The following TLK1 variants were observed in gnomAD, a reference collection of about 807,000 sequenced individuals.
The protein encoded by TLK1 is serine/threonine-protein kinase tousled-like 1.
A neutral mutation model predicts 105.3 loss-of-function variants in TLK1; 24 were observed. The ratio of observed to expected loss-of-function variants is 0.23; its 90% CI spans 0.17 to 0.32. TLK1 has a LOEUF of 0.32. Among genes scored for constraint, TLK1 ranks in the 10% least tolerant of loss-of-function variants. The pLI is 1.00. For synonymous variants in TLK1, 321 were observed against 310.4 expected (o/e 1.03, Z -0.36); for missense variants, 558 against 910.5 (o/e 0.61, Z 4.98).
At chr2:171,108,320 T>C (rs1690020635) in intron 2 of TLK1, among the ~76,000 whole-genome samples, 1 of 152,184 alleles carries the variant, frequency 6.6e-6, no homozygotes, top group Admixed American at 6.5e-5. Context: ...AGAGCATTTT[T>C]AGTGTTATAA....
rs750540007 is a variant in TLK1 at position 170,992,843 on chromosome 2, C to G, written c.*937G>C. On this transcript the variant is annotated 3_prime_UTR_variant, in exon 21 of 21. Coordinates refer to ENST00000431350, the MANE Select transcript of TLK1 (RefSeq NM_012290.5). ...AAAAGCCATATTTTAAACATTTGTA[C>G]AAGAATAAGCTGCTGAAACTTAGTA... The G allele has an allele frequency of 6.6e-6, 1 of 152,522 alleles. No individual in the cohort carries two copies. Among genetic ancestry groups the G allele is most frequent in the Non-Finnish European group, 1.5e-5 (1 of 67,994 alleles). 9.4% of individuals were successfully genotyped at this position (152,522 alleles called of 1,614,324 possible).
chr2:171,206,787 G>A (rs1255397994), intron 1 of TLK1, among the ~76,000 whole-genome samples: 1 of 152,164 alleles, frequency 6.6e-6, no homozygotes, highest in Non-Finnish European at 1.5e-5. Context: ...TGGCAAATAA[G>A]CATATGAAAA....
chr2:171,113,437 AT>A (rs1690269781), intron 2 of TLK1, among the ~76,000 whole-genome samples: 1 of 151,780 alleles, frequency 6.6e-6, no homozygotes, highest in Non-Finnish European at 1.5e-5. Context: ...TGCCCAGCTA[AT>A]TTTTTGTATT....
rs2105614404 is a variant in TLK1, at chr2:171,160,486, C to T, written c.-58G>A. On this transcript the variant is annotated 5_prime_UTR_variant, in exon 1 of 21. It adds an upstream start codon to the 5' untranslated region. Transcript: ENST00000431350. The surrounding 1 kb of genome is among the most constrained non-coding windows in gnomAD (Gnocchi z 4.4). ...TGCGACGGCAGCGGCGGCAACGGCA[C>T]CGGCACCCGCCTCCGTCATGGCGGG... 6.4e-7 allele frequency: 1 copy of T among 1,567,840 alleles called. No homozygotes were observed. Among genetic ancestry groups the T allele is most frequent in the Non-Finnish European group, 8.6e-7 (1 of 1,162,118 alleles).
At chr2:171,084,237 T>C (rs1053343089) in intron 2 of TLK1, among the ~76,000 whole-genome samples, 3 of 152,124 alleles carry the variant, frequency 2.0e-5, no homozygotes, top group African/African-American at 7.2e-5. Context: ...TAGGTTAACT[T>C]AAGTACAGAA....
At chr2:171,156,143 C>A (rs866535825) in intron 1 of TLK1, among the ~76,000 whole-genome samples, 1 of 152,096 alleles carries the variant, frequency 6.6e-6, no homozygotes, top group African/African-American at 2.4e-5. Context: ...AAGAAGAATA[C>A]TCACTCTTTC....
At chr2:171,019,564 A>G (rs1685380118) in intron 12 of TLK1, among the ~76,000 whole-genome samples, 1 of 152,126 alleles carries the variant, frequency 6.6e-6, no homozygotes, top group Non-Finnish European at 1.5e-5. Context: ...GCAAATCCTG[A>G]ATATATGTTA....
chr2:171,102,221 A>C (rs1179542967), intron 2 of TLK1, among the ~76,000 whole-genome samples: 2 of 152,186 alleles, frequency 1.3e-5, no homozygotes, highest in African/African-American at 4.8e-5. Flanking sequence ...AGATTCTAGT[A>C]AATCCTCAAT....
Position 170,993,670 on chromosome 2 carries a change from A to T in TLK1, c.*110T>A, listed in dbSNP as rs1683894981. 5 of 205,836 alleles carry T rather than the reference A, an allele frequency of 2.4e-5. No individual in the cohort carries two copies. The South Asian group carries it at 3.7e-4, about 15-fold the overall frequency. The allele number at this position is 205,836 out of a possible 1,614,324, so 12.8% of individuals were successfully genotyped here. On this transcript the variant is annotated 3_prime_UTR_variant, in exon 21 of 21. Coordinates refer to ENST00000431350, the MANE Select transcript of TLK1 (RefSeq NM_012290.5). ...ACAGTTCTTAACCACGTCTTGTGTA[A>T]AAAAAAAAAAAAAAAAAAAAGAAAA...
chr2:171,108,959 A>C (rs927442807), intron 2 of TLK1, among the ~76,000 whole-genome samples: 1 of 152,238 alleles, frequency 6.6e-6, no homozygotes, highest in African/African-American at 2.4e-5. Context: ...AACAAACATA[A>C]ACCAAAAGAA....
At chr2:171,082,995 T>C (rs1688817094) in intron 2 of TLK1, 143 bp from the exon 3 acceptor site, 2 of 608,750 alleles carry the variant, frequency 3.3e-6, no homozygotes, top group Admixed American at 3.5e-5. Flanking sequence ...GGAAGCCAAA[T>C]GAGGTAAAAA....
chr2:171,151,314 T>C lies in TLK1; in HGVS notation c.139+8976A>G, dbSNP rs1692024765. ...GATTACAGGCATGAGCCACTGTGCC[T>C]GGCCCTTGGATACATTACTTAACTT... On this transcript the variant is annotated intron_variant, in intron 1 of 20. Coordinates refer to ENST00000431350, the MANE Select transcript of TLK1 (RefSeq NM_012290.5). 2.0e-5 allele frequency among the ~76,000 whole-genome samples: 3 copies of C among 150,786 alleles called. No homozygotes were observed. The South Asian group carries it at 6.3e-4, about 32-fold the overall frequency.
intron 13 of TLK1, 24 bp from the exon 14 acceptor site, chr2:171,011,478 G>C (rs1167554931): frequency 6.3e-7 from 1 of 1,595,140 alleles, no homozygotes; most frequent in Non-Finnish European, 8.6e-7. Flanking sequence ...GCAAAAAACA[G>C]ACATATTAAA....
intron 11 of TLK1, among the ~76,000 whole-genome samples, chr2:171,033,886 A>AT (rs147318622): frequency 1.9e-4 from 27 of 142,184 alleles, no homozygotes; most frequent in African/African-American, 7.1e-4. Flanking sequence ...TAGTATCCAG[A>AT]TTTTTTAAAA....
chr2:171,020,503 G>A (rs938675713), intron 12 of TLK1, among the ~76,000 whole-genome samples: 3 of 149,546 alleles, frequency 2.0e-5, no homozygotes, highest in African/African-American at 7.4e-5. Flanking sequence ...TTGCACCACT[G>A]CACTCCAGCC....
intron 1 of TLK1, among the ~76,000 whole-genome samples, chr2:171,187,057 CAAAA>C (rs71013019): frequency 2.9e-5 from 1 of 34,034 alleles, no homozygotes; most frequent in African/African-American, 1.4e-4. Flanking sequence ...GACTCTGTCT[CAAAA>C]AAAAAAAAAA....
chr2:171,214,837 G>T (rs1023287615), intron 1 of TLK1, among the ~76,000 whole-genome samples: 4 of 152,100 alleles, frequency 2.6e-5, no homozygotes, highest in Non-Finnish European at 5.9e-5. Context: ...ACCCCTCAAG[G>T]TCTTCCAGCT....
chr2:171,002,328 A>G (rs550455314), intron 18 of TLK1, among the ~76,000 whole-genome samples: 3 of 151,434 alleles, frequency 2.0e-5, no homozygotes, highest in Admixed American at 6.6e-5. Context: ...GCACAATCTC[A>G]GCTCACTGCA....
At chr2:171,119,056 A>C (rs968119785) in intron 1 of TLK1, among the ~76,000 whole-genome samples, 1 of 152,186 alleles carries the variant, frequency 6.6e-6, no homozygotes, top group African/African-American at 2.4e-5. Flanking sequence ...CCTTCTTGAC[A>C]TCCAAGAAAT....
Sources: gnomAD v4.1 joint callset for allele counts (sites outside exome capture counted in the v4.1 genomes callset) on GRCh38, gnomAD v4.1.1 for gene constraint, Gnocchi (gnomAD v3.1) non-coding constraint, MANE v1.5 for transcripts, NCBI Gene and HGNC (gene_info 2026-07-23, HGNC 2026-07-21) for gene names.